PRX: variants seen among roughly 807,000 people sequenced by gnomAD.
The protein encoded by PRX is periaxin.
PRX carries 24 observed loss-of-function variants against 29.6 expected under a neutral mutation model. That is an observed-to-expected ratio of 0.81 (90% CI 0.59 to 1.14). The LOEUF (loss-of-function observed/expected upper bound fraction) is 1.14. Ranked by LOEUF, PRX falls within the 50% of genes most tolerant of loss-of-function variation. The pLI is 0.00. For synonymous variants in PRX, 772 were observed against 831.7 expected (o/e 0.93, Z 1.24); for missense variants, 1,838 against 1,926.4 (o/e 0.95, Z 0.86).
In PRX at chr19:40,394,466, C is replaced by A. The variant is rs769014032; in HGVS notation, c.3886G>T (p.Gly1296Trp). Residue 1296 changes from glycine to tryptophan, a missense_variant, in exon 7 of 7, where the codon GGG (glycine) becomes TGG (tryptophan). Gly to Trp is a radical substitution (Grantham distance 184). Transcript: ENST00000324001. This position sits in a 1 kb window ranked among gnomAD's most constrained non-coding sequence, Gnocchi z 5.8. ...AGCTTGTGTCCGGCCTCTCCCTCCC[C>A]CTCTGCCACCTGGTACTCGGCATGG... ...GNHAEYQVAE[G>W]EGEAGHKLKV... is the part of the protein sequence containing the mutation. 2.5e-6 allele frequency: 4 copies of A among 1,601,298 alleles called. No homozygotes were observed. The highest frequency in any genetic ancestry group is 2.2e-5 in the South Asian group (2 of 89,398).
rs202113722 is a variant in PRX, at chr19:40,396,705, C to T, written c.1647G>A (p.Pro549=). Residue 549 remains proline, a synonymous_variant, in exon 7 of 7, where the codon CCG becomes CCA. Transcript: ENST00000324001. ...PEVRLPEVQL[P]KVSEMKLPEV... ...CTGGGAGTTTCATCTCTGACACTTT[C>T]GGCAGCTGTACCTCTGGAAGCCGCA... The T allele has an allele frequency of 1.2e-5, 20 of 1,610,224 alleles. No individual in the cohort carries two copies. The East Asian group carries it at 2.0e-4, about 16-fold the overall frequency.
At chr19:40,411,974 T>G (rs2079560432) in intron 1 of PRX, among the ~76,000 whole-genome samples, 1 of 152,252 alleles carries the variant, frequency 6.6e-6, no homozygotes, top group Non-Finnish European at 1.5e-5. Flanking sequence ...CTTAAATCTT[T>G]GTAACATCTC....
In PRX at chr19:40,398,897, C is replaced by A. The variant is rs1162426652; in HGVS notation, c.185-81G>T. 2 of 1,597,960 alleles carry A rather than the reference C, an allele frequency of 1.3e-6. No homozygotes were observed. The highest frequency in any genetic ancestry group is 4.5e-5 in the East Asian group (2 of 44,042). On this transcript the variant is annotated intron_variant, in intron 5 of 6. Transcript: ENST00000324001. The surrounding 1 kb of genome is among the most constrained non-coding windows in gnomAD (Gnocchi z 6.3). ...CTAGTTCTGCCCACTTGCACGGAGC[C>A]CTCGCGGTGAGGACCCGCCCCAAAT...
At chr19:40,413,691 G>A (rs1281439090), upstream of PRX, among the ~76,000 whole-genome samples, 2 of 152,126 alleles carry the variant, frequency 1.3e-5, no homozygotes, top group African/African-American at 4.8e-5. Flanking sequence ...CCCGGGCCTG[G>A]CCAACTGCCT....
intron 4 of PRX, chr19:40,407,397 G>A (rs1006275529): frequency 1.1e-5 from 2 of 175,642 alleles, no homozygotes; most frequent in African/African-American, 4.8e-5. Context: ...CAACCTCCTG[G>A]GTTCAGGTGA....
At chr19:40,410,206 C>CTCCCACAAGCCCAGA in intron 1 of PRX, among the ~76,000 whole-genome samples, 1 of 152,302 alleles carries the variant, frequency 6.6e-6, no homozygotes, top group East Asian at 1.9e-4. Context: ...TGAATACTCT[C>CTCCCACAAGCCCAGA]TCCCCCAACC....
chr19:40,404,282 G>A (rs903903491), intron 4 of PRX, among the ~76,000 whole-genome samples: 1 of 152,158 alleles, frequency 6.6e-6, no homozygotes, highest in Non-Finnish European at 1.5e-5. Flanking sequence ...CGAGGCCCTG[G>A]AGCGGCAGCC....
chr19:40,400,035 T>G (rs1375105277), intron 5 of PRX, among the ~76,000 whole-genome samples: 1 of 151,636 alleles, frequency 6.6e-6, no homozygotes, highest in South Asian at 2.1e-4. Flanking sequence ...CAGGCTGGAG[T>G]GCAATGGCGC....
intron 5 of PRX, among the ~76,000 whole-genome samples, chr19:40,400,043 C>T (rs1327135558): frequency 1.3e-5 from 2 of 149,388 alleles, no homozygotes; most frequent in East Asian, 2.0e-4. Context: ...AGTGCAATGG[C>T]GCGATCTTGG....
At position 40,395,082 on chromosome 19, in the gene PRX, G is replaced by C; in HGVS notation, c.3270C>G (p.Thr1090=). ...CCTCGGGGATCTTAAGCTGCACAGC[G>C]GTGGACTCAGCCTTTTCCCCCGGGC... is the stretch of plus-strand genomic sequence containing the variant. ...RASPGEKAES[T]AVQLKIPEVE... The change falls in exon 7 of 7, where the codon ACC becomes ACG. Residue 1090 remains threonine, a synonymous_variant. Transcript: ENST00000324001. The C allele has an allele frequency of 6.2e-7, 1 of 1,613,452 alleles. No homozygotes were observed. The highest frequency in any genetic ancestry group is 8.5e-7 in the Non-Finnish European group (1 of 1,179,992).
chr19:40,402,168 C>T (rs2079499414), intron 5 of PRX, among the ~76,000 whole-genome samples: 1 of 151,518 alleles, frequency 6.6e-6, no homozygotes, highest in Non-Finnish European at 1.5e-5. Context: ...CTGGCTAACA[C>T]GGTGAAACCC....
At chr19:40,399,905 T>TTCTTTCTTTTTC (rs1555801711) in intron 5 of PRX, among the ~76,000 whole-genome samples, 1 of 73,970 alleles carries the variant, frequency 1.4e-5, no homozygotes, top group Non-Finnish European at 2.6e-5. Flanking sequence ...CTTTCTTTCT[T>TTCTTTCTTTTTC]TTTCTTTCTT....
Position 40,396,612 on chromosome 19 carries a change from C to T in PRX, c.1740G>A (p.Met580Ile). 6.2e-7 allele frequency: 1 copy of T among 1,613,838 alleles called. No individual in the cohort carries two copies. The highest frequency in any genetic ancestry group is 8.5e-7 in the Non-Finnish European group (1 of 1,179,936). ...PEVQLPKVPE[M>I]KVPEMKLPKV... ...TTGGAAGCTTCATCTCAGGGACTTT[C>T]ATCTCTGGCACTTTCGGCAGCTGCA... Residue 580 changes from methionine (M) to isoleucine (I), a missense_variant, in exon 7 of 7, where the codon ATG becomes ATA. Around this residue, in one of 3 missense-constraint regions of PRX, gnomAD observed 1,143 missense variants for 1,193.0 expected, o/e 0.96. Transcript: ENST00000324001.
rs201792838 is a variant in PRX at position 40,395,577 on chromosome 19, G to T, written c.2775C>A (p.Val925=). ...GTAAGGAGAACTTGGAAGAGGGCTT[G>T]ACTTTTGTCTCTATCATCTCCAGCC... ...EGRLEMIETK[V]KPSSKFSLPK... is the part of the protein sequence containing the mutation. The change falls in exon 7 of 7, where the codon GTC becomes GTA. Residue 925 remains valine (V), a synonymous_variant. Coordinates refer to ENST00000324001, the MANE Select transcript of PRX (RefSeq NM_181882.3). 1.9e-6 allele frequency: 3 copies of T among 1,614,064 alleles called. No homozygotes were observed. The highest frequency in any genetic ancestry group is 3.3e-5 in the Admixed American group (2 of 60,002).
rs2145727377 is a variant in PRX, at chr19:40,395,321, C to T, written c.3031G>A (p.Gly1011Arg). 1 of 1,613,648 alleles carries T rather than the reference C, an allele frequency of 6.2e-7. No individual in the cohort carries two copies. Among genetic ancestry groups the T allele is most frequent in the African/African-American group, 1.3e-5 (1 of 75,060 alleles). ...HLPSGKVEVA[G>R]ADLKFKGPRF... ...GGCCCCTTGAACTTGAGGTCGGCCC[C>T]TGCCACCTCTACCTTGCCTGAGGGC... Residue 1011 changes from glycine to arginine, a missense_variant, in exon 7 of 7, where the codon GGG becomes AGG. By Grantham distance (125) the Gly-to-Arg change is moderately radical (BLOSUM62 -2). Transcript: ENST00000324001.
chr19:40,398,335 G>C lies in PRX; in HGVS notation c.381+285C>G. 7.0e-6 allele frequency: 10 copies of C among 1,427,448 alleles called. No individual in the cohort carries two copies. The highest frequency in any genetic ancestry group is 9.1e-6 in the Non-Finnish European group (10 of 1,095,344). 88.4% of individuals were successfully genotyped at this position (1,427,448 alleles called of 1,614,324 possible). On this transcript the variant is annotated intron_variant, in intron 6 of 6. Transcript: ENST00000324001. This position sits in a 1 kb window ranked among gnomAD's most constrained non-coding sequence, Gnocchi z 6.3. The stretch of plus-strand genomic sequence containing the variant: ...TGGGCCAGCACTCAGGCTGGAATCT[G>C]GCTTTCCTGGTTCGAAGTAGCCTGG...
intron 4 of PRX, among the ~76,000 whole-genome samples, chr19:40,404,876 G>A (rs756485359): frequency 1.1e-4 from 17 of 152,064 alleles, no homozygotes; most frequent in Non-Finnish European, 1.0e-4. Context: ...ATCTGGCCCG[G>A]AGACCCATAT....
At chr19:40,401,914 C>T (rs961689593) in intron 5 of PRX, among the ~76,000 whole-genome samples, 8 of 152,096 alleles carry the variant, frequency 5.3e-5, no homozygotes, top group South Asian at 2.1e-4. Flanking sequence ...CCACCACACC[C>T]GGCTAATTTT....
At position 40,394,794 on chromosome 19, in the gene PRX, C is replaced by G; in HGVS notation, c.3558G>C (p.Gln1186His). The G allele has an allele frequency of 1.9e-6, 3 of 1,613,648 alleles. No homozygotes were observed. Among genetic ancestry groups the G allele is most frequent in the Non-Finnish European group, 2.5e-6 (3 of 1,180,032 alleles). ...GCAGAGACAGGGTCACCTGGGGCAC[C>G]TGAACCCTGTAGCCTGCTGTGCCCT... is the stretch of plus-strand genomic sequence containing the variant. The part of the protein sequence containing the change: ...SAEGTAGYRV[Q>H]VPQVTLSLPG... The change falls in exon 7 of 7, where the codon CAG becomes CAC. Residue 1186 changes from glutamine (Q) to histidine (H), a missense_variant. Transcript: ENST00000324001. The surrounding 1 kb of genome is among the most constrained non-coding windows in gnomAD (Gnocchi z 5.8).
Sources: allele counts gnomAD v4.1 joint callset (sites outside exome capture counted in the v4.1 genomes callset), GRCh38; gene constraint gnomAD v4.1.1; regional missense constraint gnomAD v4.1.1; non-coding constraint Gnocchi (gnomAD v3.1); transcripts MANE v1.5; gene names NCBI Gene and HGNC (gene_info 2026-07-23, HGNC 2026-07-21).